Variants in PTPRT observed in about 807,000 individuals in gnomAD.
PTPRT encodes the protein protein tyrosine phosphatase receptor type T.
In PTPRT, 56 loss-of-function variants were observed where a neutral mutation model predicts 176.8. The ratio of observed to expected loss-of-function variants is 0.32; its 90% CI spans 0.26 to 0.40. PTPRT has a LOEUF of 0.40. PTPRT is among the 10% of genes least tolerant of loss of function. The pLI is 1.00. For missense variants in PTPRT, 1,540 were observed against 1,908.2 expected (o/e 0.81, Z 3.60); for synonymous variants, 783 against 739.0 (o/e 1.06, Z -0.96).
intron 9 of PTPRT, among the ~76,000 whole-genome samples, chr20:42,425,497 TG>T: frequency 6.6e-6 from 1 of 152,252 alleles, no homozygotes; most frequent in Admixed American, 6.5e-5. Context: ...TCTTGGTCAA[TG>T]GATGCAAAGG....
chr20:42,260,687 G>A (rs1002089521), intron 13 of PTPRT, among the ~76,000 whole-genome samples: 1 of 152,154 alleles, frequency 6.6e-6, no homozygotes, highest in African/African-American at 2.4e-5. Context: ...CAGTCTGCAG[G>A]TCATGTAATT....
chr20:42,878,392 C>T (rs1297427133), intron 2 of PTPRT, among the ~76,000 whole-genome samples: 1 of 152,176 alleles, frequency 6.6e-6, no homozygotes, highest in Admixed American at 6.5e-5. Flanking sequence ...TTATAGCTAT[C>T]TCTATTGAGC....
intron 15 of PTPRT, among the ~76,000 whole-genome samples, chr20:42,228,941 G>A (rs1056890115): frequency 1.3e-5 from 2 of 152,196 alleles, no homozygotes; most frequent in Non-Finnish European, 2.9e-5. Flanking sequence ...TAAATGCAAC[G>A]ACAAAGATAT....
chr20:42,334,324 C>T (rs917470172), intron 11 of PTPRT, among the ~76,000 whole-genome samples: 4 of 152,168 alleles, frequency 2.6e-5, no homozygotes, highest in South Asian at 4.1e-4. Flanking sequence ...AAAATATGTC[C>T]TGACATTGCC....
chr20:42,826,294 T>C (rs915323233), intron 2 of PTPRT, among the ~76,000 whole-genome samples: 3 of 152,178 alleles, frequency 2.0e-5, no homozygotes, highest in Admixed American at 6.5e-5. Context: ...ATTTACCAGA[T>C]GGAGAGGAAA....
At chr20:42,972,457 T>C (rs1259787843) in intron 1 of PTPRT, among the ~76,000 whole-genome samples, 1 of 149,968 alleles carries the variant, frequency 6.7e-6, no homozygotes. Context: ...AGGTAAGGAG[T>C]TCGAGACCTG....
intron 6 of PTPRT, among the ~76,000 whole-genome samples, chr20:42,743,989 G>T (rs2076652373): frequency 6.6e-6 from 1 of 152,174 alleles, no homozygotes; most frequent in Non-Finnish European, 1.5e-5. Context: ...CCTGCGGTTG[G>T]AGTCACTGGG....
the PTPRT span, among the ~76,000 whole-genome samples, chr20:42,066,106 C>G: frequency 3.6e-5 from 5 of 137,104 alleles, no homozygotes; most frequent in Non-Finnish European, 7.6e-5. Flanking sequence ...ATGGTGTGAT[C>G]TTGGCTCACT....
At chr20:43,100,574 G>C (rs2012357263) in intron 1 of PTPRT, among the ~76,000 whole-genome samples, 1 of 152,170 alleles carries the variant, frequency 6.6e-6, no homozygotes, top group Non-Finnish European at 1.5e-5. Context: ...CCAAGCCCTA[G>C]GGCTGTATCC....
At chr20:42,048,089 G>T in the PTPRT span, among the ~76,000 whole-genome samples, 991 of 152,268 alleles carry the variant, frequency 6.5e-3, 11 homozygotes, top group African/African-American at 0.023. Context: ...TTCAACTGAT[G>T]GCCAGCTCCT....
chr20:42,234,422 C>T (rs2056197636), intron 15 of PTPRT, among the ~76,000 whole-genome samples: 1 of 152,208 alleles, frequency 6.6e-6, no homozygotes, highest in Non-Finnish European at 1.5e-5. Context: ...ATTCTCTTTC[C>T]ACCATAGCAA....
At chr20:43,135,298 A>G (rs2013793308) in intron 1 of PTPRT, among the ~76,000 whole-genome samples, 1 of 152,240 alleles carries the variant, frequency 6.6e-6, no homozygotes, top group Admixed American at 6.5e-5. Context: ...CTTCTTAAGA[A>G]AAGTGTTTAC....
At chr20:42,141,821 T>C in intron 18 of PTPRT, 94 bp downstream of exon 18, 1 of 1,201,722 alleles carries the variant, frequency 8.3e-7, no homozygotes, top group Non-Finnish European at 1.2e-6. Context: ...GCAAAGATTA[T>C]TTGATAACAA....
intron 1 of PTPRT, among the ~76,000 whole-genome samples, chr20:43,028,437 G>A (rs375651638): frequency 1.3e-4 from 20 of 152,158 alleles, no homozygotes; most frequent in South Asian, 6.2e-4. Context: ...TCTCTTCCTC[G>A]ACCTAGTTCT....
intron 1 of PTPRT, among the ~76,000 whole-genome samples, chr20:42,913,378 C>G (rs992387995): frequency 4.6e-5 from 7 of 152,122 alleles, no homozygotes; most frequent in African/African-American, 1.4e-4. Context: ...ATTTGGCATT[C>G]CCTGGCTTGA....
chr20:42,399,904 G>T (rs746039940), intron 9 of PTPRT, among the ~76,000 whole-genome samples: 10 of 152,160 alleles, frequency 6.6e-5, no homozygotes, highest in Non-Finnish European at 2.9e-5. Flanking sequence ...GATGACTTTT[G>T]CAATATCATC....
At chr20:42,639,946 C>G (rs946082318) in intron 7 of PTPRT, among the ~76,000 whole-genome samples, 13 of 152,210 alleles carry the variant, frequency 8.5e-5, no homozygotes, top group East Asian at 3.9e-4. Flanking sequence ...CCCTCTCCCC[C>G]CAACCCGAAT....
Position 42,297,217 on chromosome 20 carries a change from A to C in PTPRT, c.2140-14692T>G, listed in dbSNP as rs551681562. 1.4e-4 allele frequency among the ~76,000 whole-genome samples: 21 copies of C among 152,298 alleles called. 1 individual carries two copies. In the South Asian group the frequency reaches 3.5e-3, roughly 26 times the overall value. On this transcript the variant is annotated intron_variant, in intron 12 of 30. Coordinates refer to ENST00000373187, the MANE Select transcript of PTPRT (RefSeq NM_007050.6). ...AATAGGTATAAACATCTATGCCCCC[A>C]AAAACATAATGTATTTACAAAGTCA...
intron 11 of PTPRT, among the ~76,000 whole-genome samples, chr20:42,345,261 A>T (rs527952802): frequency 4.7e-4 from 71 of 151,920 alleles, no homozygotes; most frequent in African/African-American, 1.4e-3. Context: ...ATATGTGTTC[A>T]GTGGCAGTCA....
Sources: gnomAD v4.1 joint callset for allele counts (sites outside exome capture counted in the v4.1 genomes callset) on GRCh38, gnomAD v4.1.1 for gene constraint, MANE v1.5 for transcripts, NCBI Gene and HGNC (gene_info 2026-07-23, HGNC 2026-07-21) for gene names.